Variants in RCAN2 observed in about 807,000 individuals in gnomAD.
RCAN2 encodes calcipressin-2.
A neutral mutation model predicts 23.6 loss-of-function variants in RCAN2; 9 were observed. The ratio of observed to expected loss-of-function variants is 0.38; its 90% CI spans 0.23 to 0.67. The LOEUF (loss-of-function observed/expected upper bound fraction) is 0.67, where lower values mean the gene tolerates loss of function less well. Among genes scored for constraint, RCAN2 ranks in the 30% least tolerant of loss-of-function variants. The pLI is 0.51. For synonymous variants in RCAN2, 109 were observed against 115.7 expected (o/e 0.94, Z 0.37); for missense variants, 273 against 302.3 (o/e 0.90, Z 0.72).
At chr6:46,287,669 T>C (rs1582067713) in intron 2 of RCAN2, among the ~76,000 whole-genome samples, 1 of 152,358 alleles carries the variant, frequency 6.6e-6, no homozygotes, top group East Asian at 1.9e-4. Context: ...ATACACACAT[T>C]TAATAGGCTT....
At chr6:46,364,302 C>T (rs1765102172) in intron 2 of RCAN2, among the ~76,000 whole-genome samples, 2 of 152,160 alleles carry the variant, frequency 1.3e-5, no homozygotes, top group South Asian at 4.1e-4. Flanking sequence ...TAAATTTCCT[C>T]CTTGGTTTTA....
At chr6:46,446,768 G>A (rs1026479411) in intron 2 of RCAN2, among the ~76,000 whole-genome samples, 2 of 152,034 alleles carry the variant, frequency 1.3e-5, no homozygotes, top group Non-Finnish European at 2.9e-5. Context: ...GCATAAAAAA[G>A]TCTATTATAA....
chr6:46,296,021 G>C (rs988532793), intron 2 of RCAN2, among the ~76,000 whole-genome samples: 3 of 151,186 alleles, frequency 2.0e-5, no homozygotes, highest in Non-Finnish European at 4.4e-5. Flanking sequence ...CAGTGGTTAA[G>C]AATGCTGGGG....
At chr6:46,406,007 G>T (rs1050465209) in intron 2 of RCAN2, among the ~76,000 whole-genome samples, 2 of 152,230 alleles carry the variant, frequency 1.3e-5, no homozygotes, top group African/African-American at 4.8e-5. Flanking sequence ...CCACTGGCCC[G>T]GGTGCTAAGT....
chr6:46,486,515 G>A (rs1341289327), intron 1 of RCAN2, among the ~76,000 whole-genome samples: 1 of 152,172 alleles, frequency 6.6e-6, no homozygotes, highest in Non-Finnish European at 1.5e-5. Flanking sequence ...CATGGCCCGA[G>A]TCTTCAGAGA....
chr6:46,367,071 A>C (rs898375998), intron 2 of RCAN2, among the ~76,000 whole-genome samples: 1 of 129,214 alleles, frequency 7.7e-6, no homozygotes, highest in Non-Finnish European at 1.7e-5. Context: ...TGATGGTCCA[A>C]CAATTATAAA....
At chr6:46,444,841 T>G (rs938758669) in intron 2 of RCAN2, among the ~76,000 whole-genome samples, 5 of 152,158 alleles carry the variant, frequency 3.3e-5, no homozygotes, top group African/African-American at 1.2e-4. Flanking sequence ...GGACAGCACC[T>G]GTGGCCCCAA....
rs572357361 is a variant in RCAN2, at chr6:46,468,497, C to T, written c.-2-11519G>A. Among the ~76,000 whole-genome samples, 16 of 152,336 alleles carry T rather than the reference C, an allele frequency of 1.1e-4. No homozygotes were observed. The South Asian group carries it at 2.3e-3, about 22-fold the overall frequency. ...TCCAACCCCACCACAGCCGCGCCAACGCCAGCAAAGCAGCCCCCATCCTGG... is the reference window on the plus strand; with the variant it reads ...TCCAACCCCACCACAGCCGCGCCAATGCCAGCAAAGCAGCCCCCATCCTGG... On this transcript the variant is annotated intron_variant, in intron 1 of 4. Coordinates refer to ENST00000371374, the MANE Select transcript of RCAN2 (RefSeq NM_001251974.2).
At chr6:46,381,350 T>C (rs1053984748) in intron 2 of RCAN2, among the ~76,000 whole-genome samples, 11 of 152,204 alleles carry the variant, frequency 7.2e-5, no homozygotes, top group Non-Finnish European at 1.3e-4. Context: ...CTTCCAGTTA[T>C]AAGCACTGCT....
At chr6:46,395,127 T>C (rs1163487088) in intron 2 of RCAN2, among the ~76,000 whole-genome samples, 1 of 152,142 alleles carries the variant, frequency 6.6e-6, no homozygotes, top group Non-Finnish European at 1.5e-5. Context: ...TGAAATGCCT[T>C]GACATCAAGT....
intron 2 of RCAN2, among the ~76,000 whole-genome samples, chr6:46,421,346 A>C (rs1418379191): frequency 6.6e-6 from 1 of 152,222 alleles, no homozygotes; most frequent in Non-Finnish European, 1.5e-5. Context: ...AAATGAAGAA[A>C]GCACGCAGAT....
chr6:46,325,615 T>C (rs2150364277), intron 2 of RCAN2: 1 of 1,442,624 alleles, frequency 6.9e-7, no homozygotes, highest in Non-Finnish European at 9.1e-7. Flanking sequence ...CTCGGGCTCC[T>C]GGAGCCCGCT....
chr6:46,341,202 T>C (rs1325887880), intron 2 of RCAN2, among the ~76,000 whole-genome samples: 1 of 152,190 alleles, frequency 6.6e-6, no homozygotes, highest in Non-Finnish European at 1.5e-5. Context: ...CAATGCCCTA[T>C]ACTTTAAAAA....
chr6:46,436,485 G>T lies in RCAN2; in HGVS notation c.225+20267C>A, dbSNP rs573492961. 2.0e-5 allele frequency among the ~76,000 whole-genome samples: 3 copies of T among 152,316 alleles called. No individual in the cohort carries two copies. In the South Asian group the frequency reaches 6.2e-4, roughly 32 times the overall value. On this transcript the variant is annotated intron_variant, in intron 2 of 4. Coordinates refer to ENST00000371374, the MANE Select transcript of RCAN2 (RefSeq NM_001251974.2). ...CTGCCTTGGCCTCCCAAACTGCTGG[G>T]ATTATCGGCATGAGCCACCGTGCCG...
intron 2 of RCAN2, among the ~76,000 whole-genome samples, chr6:46,304,630 G>A (rs1763007125): frequency 1.3e-5 from 2 of 152,052 alleles, no homozygotes; most frequent in South Asian, 2.1e-4. Context: ...TGGAGGGGTC[G>A]GAATAAAAGA....
intron 4 of RCAN2, 80 bp from the exon 5 acceptor site, chr6:46,223,381 G>T: frequency 2.2e-6 from 3 of 1,340,770 alleles, no homozygotes; most frequent in Non-Finnish European, 3.1e-6. Context: ...CTTAGGAAAT[G>T]ACAGGAGCAT....
chr6:46,391,384 G>A (rs187642422), intron 2 of RCAN2, among the ~76,000 whole-genome samples: 1 of 152,258 alleles, frequency 6.6e-6, no homozygotes, highest in African/African-American at 2.4e-5. Context: ...TGATAGGCAG[G>A]GGGGCAGGGC....
At chr6:46,268,645 G>C (rs1767422488) in intron 2 of RCAN2, among the ~76,000 whole-genome samples, 1 of 152,184 alleles carries the variant, frequency 6.6e-6, no homozygotes, top group Admixed American at 6.5e-5. Context: ...TAGACTGATA[G>C]TTTGACTTAG....
chr6:46,307,336 G>A (rs796994616), intron 2 of RCAN2, among the ~76,000 whole-genome samples: 4 of 152,134 alleles, frequency 2.6e-5, no homozygotes, highest in African/African-American at 9.7e-5. Flanking sequence ...GATGAGGGGT[G>A]TATGTGCCTC....
Sources: allele counts gnomAD v4.1 joint callset (sites outside exome capture counted in the v4.1 genomes callset), GRCh38; gene constraint gnomAD v4.1.1; transcripts MANE v1.5; gene names NCBI Gene and HGNC (gene_info 2026-07-23, HGNC 2026-07-21).